The following ARHGEF16 variants were observed in gnomAD, a reference collection of about 807,000 sequenced individuals.
ARHGEF16 encodes the protein Rho guanine nucleotide exchange factor 16.
ARHGEF16 carries 59 observed loss-of-function variants against 74.1 expected under a neutral mutation model. The observed-to-expected ratio is 0.80, with a 90% CI of 0.65 to 0.99. The LOEUF is 0.99. Ranked by LOEUF, ARHGEF16 falls within the 50% of genes least tolerant of loss-of-function variation. The probability of loss-of-function intolerance (pLI) is 0.00; values close to 1 mark genes in which losing one functional copy is unlikely to be tolerated. For synonymous variants in ARHGEF16, 415 were observed against 412.6 expected, an observed-to-expected ratio of 1.01 and a Z score of -0.07; for missense variants, 948 against 986.6, an observed-to-expected ratio of 0.96 and a Z score of 0.52.
chr1:3,468,278 G>A (rs898635473), intron 4 of ARHGEF16, among the ~76,000 whole-genome samples: 3 of 152,154 alleles, frequency 2.0e-5, no homozygotes, highest in Non-Finnish European at 4.4e-5. Flanking sequence ...TTTCTGCCCA[G>A]CCCAGTGAGG....
intron 10 of ARHGEF16, among the ~76,000 whole-genome samples, chr1:3,476,622 C>G (rs886804839): frequency 1.3e-5 from 2 of 152,072 alleles, no homozygotes; most frequent in African/African-American, 4.8e-5. Flanking sequence ...CCCCCACCCA[C>G]GATCCCACAC....
At chr1:3,457,806 T>C (rs1639300747) in intron 1 of ARHGEF16, among the ~76,000 whole-genome samples, 1 of 152,184 alleles carries the variant, frequency 6.6e-6, no homozygotes, top group Non-Finnish European at 1.5e-5. Context: ...CGCCTCCTCC[T>C]GGCAAGTCCC....
At chr1:3,460,973 A>G (rs1639379457) in intron 1 of ARHGEF16, among the ~76,000 whole-genome samples, 1 of 151,974 alleles carries the variant, frequency 6.6e-6, no homozygotes, top group African/African-American at 2.4e-5. Flanking sequence ...CCCTGTGGAC[A>G]CTCCAAAGGT....
chr1:3,456,517 ACAGCCAT>A (rs1025110748), intron 1 of ARHGEF16, among the ~76,000 whole-genome samples: 24 of 152,162 alleles, frequency 1.6e-4, no homozygotes, highest in African/African-American at 5.6e-4. Flanking sequence ...CCATTTGGGG[ACAGCCAT>A]CCAGGTCAGG....
In ARHGEF16 at chr1:3,473,165, C is replaced by T. The variant is rs1351613652; in HGVS notation, c.1110C>T (p.His370=). Reference sequence around the variant, plus strand: ...TCCTGGAGGAGCACGCTGAGAAGCACTTCCACCCCTACATCGCCTACTGCT... The same window carrying T: ...TCCTGGAGGAGCACGCTGAGAAGCATTTCCACCCCTACATCGCCTACTGCT... ...SDILEEHAEK[H]FHPYIAYCSN... The change falls in exon 7 of 15, where the codon CAC becomes CAT. Residue 370 remains histidine, a synonymous_variant. Transcript: ENST00000378378. 1.2e-6 allele frequency: 2 copies of T among 1,613,146 alleles called. No homozygotes were observed. The highest frequency in any genetic ancestry group is 2.2e-5 in the East Asian group (1 of 44,894).
chr1:3,463,574 C>T lies in ARHGEF16; in HGVS notation c.490C>T (p.Pro164Ser). 1 of 1,450,116 alleles carries T rather than the reference C, an allele frequency of 6.9e-7. No homozygotes were observed. The highest frequency in any genetic ancestry group is 9.1e-7 in the Non-Finnish European group (1 of 1,097,726). 89.8% of individuals were successfully genotyped at this position (1,450,116 alleles called of 1,614,324 possible). A position where few individuals can be genotyped will look rare whatever the true frequency, so the allele number is the denominator to read the frequency against. The change falls in exon 2 of 15, where the codon CCA becomes TCA. Residue 164 changes from proline (P) to serine (S), a missense_variant. Pro to Ser is a moderately conservative substitution (Grantham distance 74). Transcript: ENST00000378378. ...YRAAMKGLGK[P>S]GGQGDAIQLS... ...GGCGGCCATGAAGGGCCTGGGGAAG[C>T]CAGGTGGCCAGGGAGATGCCATCCA...
At chr1:3,458,071 C>G (rs1331538233) in intron 1 of ARHGEF16, among the ~76,000 whole-genome samples, 1 of 152,212 alleles carries the variant, frequency 6.6e-6, no homozygotes, top group African/African-American at 2.4e-5. Context: ...ACACCAGGGC[C>G]TCTCTGGGAA....
chr1:3,458,314 G>C (rs1445988277), intron 1 of ARHGEF16, among the ~76,000 whole-genome samples: 1 of 152,230 alleles, frequency 6.6e-6, no homozygotes, highest in Non-Finnish European at 1.5e-5. Flanking sequence ...GGCTGCCTTT[G>C]CTGGGGAGCA....
In ARHGEF16 at chr1:3,477,871, C is replaced by T. The variant is rs773517795; in HGVS notation, c.1474-4C>T. On this transcript the variant is annotated splice_region_variant and splice_polypyrimidine_tract_variant and intron_variant, in intron 10 of 14. Transcript: ENST00000378378. The stretch of plus-strand genomic sequence containing the variant: ...ATCTCCGCCTCCCGGCTCTGTCCCC[C>T]CAGTCCCTCCCACTGATCTCTGCCT... 1 of 1,603,122 alleles carries T rather than the reference C, an allele frequency of 6.2e-7. No individual in the cohort carries two copies. The highest frequency in any genetic ancestry group is 8.5e-7 in the Non-Finnish European group (1 of 1,171,798).
At chr1:3,462,209 C>T (rs997849704) in intron 1 of ARHGEF16, among the ~76,000 whole-genome samples, 1 of 152,164 alleles carries the variant, frequency 6.6e-6, no homozygotes, top group South Asian at 2.1e-4. Flanking sequence ...CCACCCCTGC[C>T]ACCACCACAC....
intron 4 of ARHGEF16, chr1:3,468,565 G>A (rs2493250): frequency 0.93 from 373,671 of 401,350 alleles, 176,729 homozygotes; most frequent in East Asian, 1. Flanking sequence ...TCCATCTGCC[G>A]GGAAGATCTG....
At chr1:3,466,108 C>T (rs774442488) in intron 2 of ARHGEF16, 40 bp from the exon 3 acceptor site, 29 of 1,547,054 alleles carry the variant, frequency 1.9e-5, no homozygotes, top group Admixed American at 1.4e-4. Flanking sequence ...ACACCTGCCC[C>T]GGCTGACAGC....
rs145525709 is a variant in ARHGEF16, at chr1:3,473,973, G to C, written c.1305+451G>C. On this transcript the variant is annotated intron_variant, in intron 8 of 14. Coordinates refer to ENST00000378378, the MANE Select transcript of ARHGEF16 (RefSeq NM_014448.4). ...GTGTGTGTGGGATGCCAGCCCACAGGGCAGAGGGTATATGAGGGTGAAAGG... is the reference window on the plus strand; with the variant it reads ...GTGTGTGTGGGATGCCAGCCCACAGCGCAGAGGGTATATGAGGGTGAAAGG... 596 of 262,136 alleles carry C rather than the reference G, an allele frequency of 2.3e-3. 3 individuals carry two copies. The highest frequency in any genetic ancestry group is 0.013 in the African/African-American group (570 of 45,240). 16.2% of individuals were successfully genotyped at this position (262,136 alleles called of 1,614,324 possible). A position where few individuals can be genotyped will look rare whatever the true frequency, so the allele number is the denominator to read the frequency against.
rs1038152955 is a variant in ARHGEF16 at position 3,463,137 on chromosome 1, G to A, written c.53G>A (p.Arg18His). The A allele has an allele frequency of 4.4e-5, 66 of 1,485,754 alleles. No individual in the cohort carries two copies. Among genetic ancestry groups the A allele is most frequent in the Non-Finnish European group, 4.9e-5 (54 of 1,112,622 alleles). The allele number at this position is 1,485,754 out of a possible 1,614,324, so 92.0% of individuals were successfully genotyped here. Reference sequence around the variant, plus strand: ...TTGGAGGAGAAGCTCCTGGGACACCGCTTCCACTCGGAGCTCCGGCTCGAT... The same window carrying A: ...TTGGAGGAGAAGCTCCTGGGACACCACTTCCACTCGGAGCTCCGGCTCGAT... Reference protein sequence around the residue: ...SSLEEKLLGHRFHSELRLDAG... With the variant: ...SSLEEKLLGHHFHSELRLDAG... Residue 18 changes from arginine to histidine, a missense_variant, in exon 2 of 15, where the codon CGC (arginine) becomes CAC (histidine). Transcript: ENST00000378378.
At chr1:3,479,752 G>T in intron 13 of ARHGEF16, 60 bp from the exon 14 acceptor site, 1 of 1,582,052 alleles carries the variant, frequency 6.3e-7, no homozygotes, top group Non-Finnish European at 8.7e-7. Flanking sequence ...GGAGGCCGTT[G>T]GGGAGTGGAG....
At chr1:3,474,634 T>C (rs1639831592) in intron 8 of ARHGEF16, 74 bp from the exon 9 acceptor site, 2 of 1,420,310 alleles carry the variant, frequency 1.4e-6, no homozygotes, top group Admixed American at 1.7e-5. Context: ...CCACACGGGG[T>C]CTGGCGTTGG....
At chr1:3,461,343 C>G (rs1231302971) in intron 1 of ARHGEF16, among the ~76,000 whole-genome samples, 2 of 152,244 alleles carry the variant, frequency 1.3e-5, no homozygotes, top group African/African-American at 4.8e-5. Context: ...AGGCCTGTTA[C>G]ACGCTTTGCA....
chr1:3,457,417 G>A (rs978243030), intron 1 of ARHGEF16, among the ~76,000 whole-genome samples: 1 of 152,226 alleles, frequency 6.6e-6, no homozygotes, highest in Non-Finnish European at 1.5e-5. Context: ...CCTAACCGGA[G>A]GGGCAGCAAA....
At chr1:3,478,312 G>A (rs1470644048) in intron 11 of ARHGEF16, 112 bp from the exon 12 acceptor site, 114 of 1,222,694 alleles carry the variant, frequency 9.3e-5, no homozygotes, top group Admixed American at 6.8e-5. Context: ...GAGCCCGTCC[G>A]TGGCTGCCTC....
Sources: gnomAD v4.1 joint callset for allele counts (sites outside exome capture counted in the v4.1 genomes callset) on GRCh38, gnomAD v4.1.1 for gene constraint, MANE v1.5 for transcripts, NCBI Gene and HGNC (gene_info 2026-07-23, HGNC 2026-07-21) for gene names.